DLG5: variants seen among roughly 807,000 people sequenced by gnomAD.
DLG5 encodes discs large MAGUK scaffold protein 5, also known as disks large homolog 5.
DLG5 carries 48 observed loss-of-function variants against 189.8 expected under a neutral mutation model. That is an observed-to-expected ratio of 0.25 (90% CI 0.20 to 0.32). DLG5 has a LOEUF of 0.32. DLG5 is among the 10% of genes least tolerant of loss of function. The pLI is 1.00. For synonymous variants in DLG5, 1,016 were observed against 1,054.1 expected, an observed-to-expected ratio of 0.96 and a Z score of 0.70; for missense variants, 2,160 against 2,544.7, an observed-to-expected ratio of 0.85 and a Z score of 3.25.
intron 2 of DLG5, among the ~76,000 whole-genome samples, chr10:77,866,215 C>G (rs1206063703): frequency 6.6e-6 from 1 of 152,198 alleles, no homozygotes; most frequent in Non-Finnish European, 1.5e-5. Context: ...CACTCCACCC[C>G]GAGGGACTGG....
chr10:77,863,058 T>C (rs1459185134), intron 2 of DLG5, among the ~76,000 whole-genome samples: 1 of 152,198 alleles, frequency 6.6e-6, no homozygotes, highest in Non-Finnish European at 1.5e-5. Context: ...TTTTACTGTA[T>C]GTAAATTATA....
intron 29 of DLG5, among the ~76,000 whole-genome samples, chr10:77,795,362 G>A (rs2241833): frequency 0.25 from 38,167 of 151,998 alleles, 5,474 homozygotes; most frequent in Admixed American, 0.39. Flanking sequence ...CATGTCTGTC[G>A]TCCCAGGCAT....
intron 1 of DLG5, among the ~76,000 whole-genome samples, chr10:77,872,997 T>C (rs768000839): frequency 7.7e-5 from 11 of 143,604 alleles, no homozygotes; most frequent in Non-Finnish European, 1.5e-4. Flanking sequence ...AGGGGGACTG[T>C]AGGATCAGCC....
In DLG5 at chr10:77,821,938, G is replaced by A. The variant is rs369002976; in HGVS notation, c.2546C>T (p.Thr849Met). 4.3e-5 allele frequency: 69 copies of A among 1,614,138 alleles called. No individual in the cohort carries two copies. The highest frequency in any genetic ancestry group is 1.9e-4 in the African/African-American group (14 of 74,942). The change falls in exon 15 of 32, where the codon ACG (threonine) becomes ATG (methionine). Residue 849 changes from threonine (T) to methionine (M), a missense_variant. Thr to Met is a moderately conservative substitution (Grantham distance 81). Transcript: ENST00000372391. ...CTCCTTCCTGTCTTCCAGCCTGTCC[G>A]TGTAGAAGATGTCTGTCTGCGTGGA... Reference protein sequence around the residue: ...NNSTQTDIFYTDRLEDRKEPG... With the variant: ...NNSTQTDIFYMDRLEDRKEPG...
chr10:77,855,828 C>T (rs921509598), intron 3 of DLG5, among the ~76,000 whole-genome samples: 1 of 152,192 alleles, frequency 6.6e-6, no homozygotes, highest in African/African-American at 2.4e-5. Flanking sequence ...CCAAGCCCCC[C>T]TCCCCTCCAG....
chr10:77,871,791 C>G, intron 1 of DLG5, among the ~76,000 whole-genome samples: 1 of 151,978 alleles, frequency 6.6e-6, no homozygotes, highest in Non-Finnish European at 1.5e-5. Flanking sequence ...ATCCACCAGG[C>G]CTCAGCCTCC....
At chr10:77,802,758 G>A (rs1841277103) in intron 27 of DLG5, among the ~76,000 whole-genome samples, 1 of 152,162 alleles carries the variant, frequency 6.6e-6, no homozygotes, top group Non-Finnish European at 1.5e-5. Flanking sequence ...AAATTAGCCA[G>A]ATGTGGTGAC....
intron 22 of DLG5, 41 bp downstream of exon 22, chr10:77,811,883 T>G: frequency 1.3e-6 from 2 of 1,572,550 alleles, no homozygotes; most frequent in Non-Finnish European, 1.7e-6. Context: ...CACCCACCTC[T>G]CCACCCCCAG....
At chr10:77,876,593 C>T (rs1455268478) in intron 1 of DLG5, among the ~76,000 whole-genome samples, 2 of 151,316 alleles carry the variant, frequency 1.3e-5, no homozygotes, top group East Asian at 3.9e-4. Flanking sequence ...AGGCCGGTCT[C>T]GAACTCCTGA....
At chr10:77,794,201 C>T (rs1039156713) in intron 30 of DLG5, 84 bp from the exon 31 acceptor site, 2 of 1,252,444 alleles carry the variant, frequency 1.6e-6, no homozygotes, top group Non-Finnish European at 2.3e-6. Flanking sequence ...AACAGGGGCC[C>T]CATCAAGGCA....
intron 1 of DLG5, among the ~76,000 whole-genome samples, chr10:77,890,549 G>A (rs1469705990): frequency 1.3e-5 from 2 of 152,162 alleles, no homozygotes; most frequent in Non-Finnish European, 2.9e-5. Context: ...GGGCACGGTG[G>A]TTCACGCCTG....
rs184213659 is a variant in DLG5 at position 77,833,499 on chromosome 10, T to C, written c.1748+415A>G. 2.9e-3 allele frequency among the ~76,000 whole-genome samples: 442 copies of C among 152,362 alleles called. 1 individual carries two copies. The highest frequency in any genetic ancestry group is 4.8e-3 in the Non-Finnish European group (325 of 68,038). On this transcript the variant is annotated intron_variant, in intron 9 of 31. Transcript: ENST00000372391. ...GTCAGTGCCATTTCTCCAGTGCCTC[T>C]AATGGAGGCTGGCCCATACAGAGCA...
chr10:77,795,800 AC>A lies in DLG5; in HGVS notation c.5436+260del, dbSNP rs1274669811. ...GCTCAATACTCTCATCAGAGATGAGACCCCCCGCACCTGCCAGAGAGGAAGA... is the reference window on the plus strand; with the variant it reads ...GCTCAATACTCTCATCAGAGATGAGACCCCCGCACCTGCCAGAGAGGAAGA... On this transcript the variant is annotated intron_variant, in intron 29 of 31. Coordinates refer to ENST00000372391, the MANE Select transcript of DLG5 (RefSeq NM_004747.4). 3.3e-5 allele frequency among the ~76,000 whole-genome samples: 5 copies of A among 150,956 alleles called. No individual in the cohort carries two copies. In the East Asian group the frequency reaches 9.8e-4, roughly 29 times the overall value.
chr10:77,828,810 T>C (rs2154575880), intron 13 of DLG5, 72 bp downstream of exon 13: 3 of 1,507,208 alleles, frequency 2.0e-6, no homozygotes, highest in Non-Finnish European at 1.8e-6. Context: ...GCTCATTACT[T>C]CTTGCTCAAA....
chr10:77,889,514 C>T (rs969684652), intron 1 of DLG5: 2 of 152,244 alleles, frequency 1.3e-5, no homozygotes, highest in African/African-American at 2.4e-5. Flanking sequence ...CTGAACCAGT[C>T]AACCCAGTCG....
chr10:77,797,278 C>T (rs1332408043), intron 27 of DLG5, among the ~76,000 whole-genome samples: 7 of 152,220 alleles, frequency 4.6e-5, no homozygotes, highest in Admixed American at 2.0e-4. Context: ...AGTAAACCTC[C>T]CCTTGCACCA....
rs1841439766 is a variant in DLG5 at position 77,805,791 on chromosome 10, G to C, written c.5038C>G (p.Leu1680Val). 1 of 1,614,100 alleles carries C rather than the reference G, an allele frequency of 6.2e-7. No individual in the cohort carries two copies. Among genetic ancestry groups the C allele is most frequent in the Non-Finnish European group, 8.5e-7 (1 of 1,180,058 alleles). Residue 1680 changes from leucine to valine, a missense_variant, in exon 27 of 32, where the codon CTG (leucine) becomes GTG (valine). Transcript: ENST00000372391. Reference protein sequence around the residue: ...VKDDNSATKTLSAAARRSFFR... With the variant: ...VKDDNSATKTVSAAARRSFFR... Reference sequence around the variant, plus strand: ...AAGGACCGGCGTGCAGCCGCTGACAGCGTCTTTGTGGCGCTATTGTCATCT... The same window carrying C: ...AAGGACCGGCGTGCAGCCGCTGACACCGTCTTTGTGGCGCTATTGTCATCT...
chr10:77,939,372 C>G, the DLG5 span, among the ~76,000 whole-genome samples: 1 of 152,094 alleles, frequency 6.6e-6, no homozygotes, highest in Admixed American at 6.5e-5. Flanking sequence ...TGAGAATGCC[C>G]CGAAGCCAGA....
At chr10:77,882,140 T>C (rs984376200) in intron 1 of DLG5, among the ~76,000 whole-genome samples, 1 of 152,138 alleles carries the variant, frequency 6.6e-6, no homozygotes, top group Non-Finnish European at 1.5e-5. Context: ...ACAATATTCC[T>C]GCTGAGTTTG....
Sources: allele counts gnomAD v4.1 joint callset (sites outside exome capture counted in the v4.1 genomes callset), GRCh38; gene constraint gnomAD v4.1.1; transcripts MANE v1.5; gene names NCBI Gene and HGNC (gene_info 2026-07-23, HGNC 2026-07-21).